The following COL10A1 variants were observed in gnomAD, a reference collection of about 807,000 sequenced individuals.
The protein encoded by COL10A1 is collagen alpha-1(X) chain.
Under a neutral mutation model 18.2 loss-of-function variants are expected in COL10A1, and 10 were observed. The ratio of observed to expected loss-of-function variants is 0.55; its 90% CI spans 0.34 to 0.93. The LOEUF (loss-of-function observed/expected upper bound fraction) is 0.93. Ranked by LOEUF, COL10A1 falls within the 40% of genes least tolerant of loss-of-function variation. The pLI is 0.02. For missense variants in COL10A1, 897 were observed against 853.5 expected (o/e 1.05, Z -0.64); for synonymous variants, 330 against 316.6 (o/e 1.04, Z -0.45).
At chr6:116,206,359 G>T in the COL10A1 span, among the ~76,000 whole-genome samples, 1 of 151,988 alleles carries the variant, frequency 6.6e-6, no homozygotes, top group Non-Finnish European at 1.5e-5. Context: ...ACCTAATGGG[G>T]TGAGTGTTAT....
chr6:116,149,618 G>T (rs1297724949), intron 1 of COL10A1, among the ~76,000 whole-genome samples: 1 of 152,200 alleles, frequency 6.6e-6, no homozygotes, highest in Admixed American at 6.5e-5. Context: ...CTTTATTGGA[G>T]AAATTGTTTT....
intron 1 of COL10A1, among the ~76,000 whole-genome samples, chr6:116,148,002 G>A (rs910393490): frequency 2.6e-5 from 4 of 151,738 alleles, no homozygotes; most frequent in East Asian, 1.9e-4. Context: ...AAAAAGGTGG[G>A]GGGGGTTGGA....
intron 1 of COL10A1, among the ~76,000 whole-genome samples, chr6:116,139,569 A>C (rs1360942220): frequency 6.6e-6 from 1 of 152,188 alleles, no homozygotes; most frequent in African/African-American, 2.4e-5. Context: ...GTGTATTGGA[A>C]TATTAAAAAA....
chr6:116,202,528 A>G, the COL10A1 span, among the ~76,000 whole-genome samples: 1 of 151,992 alleles, frequency 6.6e-6, no homozygotes, highest in Non-Finnish European at 1.5e-5. Flanking sequence ...TATTTCTTTA[A>G]TTCTAAAAAC....
the COL10A1 span, among the ~76,000 whole-genome samples, chr6:116,197,799 G>T: frequency 6.6e-6 from 1 of 152,042 alleles, no homozygotes; most frequent in African/African-American, 2.4e-5. Flanking sequence ...GATTGAAAGC[G>T]CTAGGTAAAC....
the COL10A1 span, among the ~76,000 whole-genome samples, chr6:116,187,943 A>T: frequency 2.7e-4 from 41 of 152,218 alleles, 1 homozygote; most frequent in Middle Eastern, 3.4e-3. Flanking sequence ...GATATTTGGA[A>T]TACATATAAT....
At chr6:116,190,260 C>G in the COL10A1 span, among the ~76,000 whole-genome samples, 1 of 151,956 alleles carries the variant, frequency 6.6e-6, no homozygotes, top group East Asian at 1.9e-4. Context: ...TTTAAATTAT[C>G]TATGTATTTT....
intron 2 of COL10A1, 38 bp from the exon 3 acceptor site, chr6:116,121,999 G>A (rs1779146993): frequency 1.3e-6 from 2 of 1,549,186 alleles, no homozygotes; most frequent in Non-Finnish European, 1.8e-6. Context: ...CATAGAAGGG[G>A]ATGGTTAGTG....
chr6:116,208,878 A>G, the COL10A1 span, among the ~76,000 whole-genome samples: 1 of 152,120 alleles, frequency 6.6e-6, no homozygotes, highest in East Asian at 1.9e-4. Context: ...CTCATAGAAT[A>G]TACTAATAGA....
At chr6:116,191,330 T>C in the COL10A1 span, among the ~76,000 whole-genome samples, 4 of 151,970 alleles carry the variant, frequency 2.6e-5, no homozygotes, top group Non-Finnish European at 5.9e-5. Flanking sequence ...ATGTTAACCA[T>C]AGTAAACAAA....
At chr6:116,203,135 A>G in the COL10A1 span, among the ~76,000 whole-genome samples, 3 of 152,002 alleles carry the variant, frequency 2.0e-5, no homozygotes, top group African/African-American at 7.2e-5. Flanking sequence ...GAACAAACCA[A>G]ATTACCAAGT....
chr6:116,179,580 A>G, the COL10A1 span, among the ~76,000 whole-genome samples: 1 of 152,172 alleles, frequency 6.6e-6, no homozygotes, highest in Admixed American at 6.6e-5. Context: ...TCAAAACCAC[A>G]AAGACCTTTT....
At chr6:116,203,245 C>A in the COL10A1 span, among the ~76,000 whole-genome samples, 1 of 151,830 alleles carries the variant, frequency 6.6e-6, no homozygotes, top group Non-Finnish European at 1.5e-5. Context: ...TATTCTATTT[C>A]TTGGATTCAT....
chr6:116,169,944 A>G, the COL10A1 span, among the ~76,000 whole-genome samples: 1 of 152,324 alleles, frequency 6.6e-6, no homozygotes, highest in African/African-American at 2.4e-5. Context: ...AACAACAGAA[A>G]TAGGGGAGAG....
chr6:116,120,853 T>C lies in COL10A1; in HGVS notation c.1263A>G (p.Pro421=). 1 of 1,614,032 alleles carries C rather than the reference T, an allele frequency of 6.2e-7. No individual in the cohort carries two copies. The highest frequency in any genetic ancestry group is 8.5e-7 in the Non-Finnish European group (1 of 1,179,960). The change falls in exon 3 of 3, where the codon CCA becomes CCG. Residue 421 remains proline, a synonymous_variant. Coordinates refer to ENST00000651968, the MANE Select transcript of COL10A1 (RefSeq NM_000493.4). The part of the protein sequence containing the change: ...DPGVGGPPGL[P]GPVGPAGAKG... The stretch of plus-strand genomic sequence containing the variant: ...TTGCTCCTGCTGGGCCCACAGGGCC[T>C]GGGAGACCAGGAGGTCCTCCAACTC...
chr6:116,193,186 T>C, the COL10A1 span, among the ~76,000 whole-genome samples: 2 of 152,102 alleles, frequency 1.3e-5, no homozygotes, highest in African/African-American at 4.8e-5. Context: ...AGTTTATTTG[T>C]GTTTTACTCT....
intron 1 of COL10A1, among the ~76,000 whole-genome samples, chr6:116,138,561 G>C (rs888252145): frequency 1.3e-4 from 20 of 151,940 alleles, no homozygotes; most frequent in Non-Finnish European, 2.4e-4. Context: ...AAAGCAAATA[G>C]TGCGAATGTC....
At chr6:116,148,957 C>A (rs1419875163) in intron 1 of COL10A1, among the ~76,000 whole-genome samples, 1 of 152,158 alleles carries the variant, frequency 6.6e-6, no homozygotes, top group Non-Finnish European at 1.5e-5. Context: ...TGTTTTTAAT[C>A]TCTAGAAATA....
chr6:116,149,823 C>T (rs145197570), intron 1 of COL10A1, among the ~76,000 whole-genome samples: 48 of 152,292 alleles, frequency 3.2e-4, no homozygotes, highest in African/African-American at 1.1e-3. Flanking sequence ...TAATGAGTCT[C>T]CCTTCTTTAG....
Sources: allele counts gnomAD v4.1 joint callset (sites outside exome capture counted in the v4.1 genomes callset), GRCh38; gene constraint gnomAD v4.1.1; transcripts MANE v1.5; gene names NCBI Gene and HGNC (gene_info 2026-07-23, HGNC 2026-07-21).